Variants in GRAMD2B observed in about 807,000 individuals in gnomAD.
GRAMD2B encodes the protein GRAM domain-containing protein 2B.
Under a neutral mutation model 59.2 loss-of-function variants are expected in GRAMD2B, and 41 were observed. That is an observed-to-expected ratio of 0.69 (90% CI 0.54 to 0.90). The LOEUF is 0.90. Ranked by LOEUF, GRAMD2B falls within the 40% of genes least tolerant of loss-of-function variation. The pLI is 0.00. For missense variants in GRAMD2B, 424 were observed against 500.5 expected (o/e 0.85, Z 1.46); for synonymous variants, 161 against 182.7 (o/e 0.88, Z 0.96).
chr5:126,450,279 C>CT (rs915834393), intron 1 of GRAMD2B, among the ~76,000 whole-genome samples: 1 of 152,046 alleles, frequency 6.6e-6, no homozygotes, highest in African/African-American at 2.4e-5. Flanking sequence ...AAGTCGGCTT[C>CT]TAATGGCCCT....
At chr5:126,472,132 T>A in intron 3 of GRAMD2B, 106 bp from the exon 4 acceptor site, 1 of 800,042 alleles carries the variant, frequency 1.2e-6, no homozygotes, top group Non-Finnish European at 2.2e-6. Flanking sequence ...GAGAAGGAAT[T>A]CCTAAAGATA....
chr5:126,420,516 C>T (rs1291132895), upstream of GRAMD2B, among the ~76,000 whole-genome samples: 3 of 152,290 alleles, frequency 2.0e-5, no homozygotes, highest in East Asian at 5.8e-4. Flanking sequence ...TCACCTGCTC[C>T]TTCTCACTTA....
chr5:126,366,414 T>G (rs897822653), upstream of GRAMD2B, among the ~76,000 whole-genome samples: 2 of 152,164 alleles, frequency 1.3e-5, no homozygotes, highest in South Asian at 2.1e-4. Flanking sequence ...ATCTTTCACT[T>G]ATATCATATG....
At chr5:126,397,705 T>C (rs1477902533) in intron 1 of GRAMD2B, among the ~76,000 whole-genome samples, 1 of 152,226 alleles carries the variant, frequency 6.6e-6, no homozygotes, top group Non-Finnish European at 1.5e-5. Context: ...GAACTAACCT[T>C]GCATCCCAGG....
upstream of GRAMD2B, among the ~76,000 whole-genome samples, chr5:126,369,609 T>C (rs1017605579): frequency 2.6e-5 from 4 of 152,228 alleles, no homozygotes; most frequent in African/African-American, 9.6e-5. Flanking sequence ...TAAAACTTTT[T>C]ATATCACTCG....
chr5:126,380,843 C>G (rs1755599626), intron 1 of GRAMD2B, among the ~76,000 whole-genome samples: 1 of 152,106 alleles, frequency 6.6e-6, no homozygotes, highest in Non-Finnish European at 1.5e-5. Flanking sequence ...ATATCACGGG[C>G]AAACAGTGAC....
At chr5:126,426,259 C>T (rs184424791) in intron 1 of GRAMD2B, among the ~76,000 whole-genome samples, 1 of 152,064 alleles carries the variant, frequency 6.6e-6, no homozygotes, top group African/African-American at 2.4e-5. Flanking sequence ...AATGAATCCC[C>T]TTCTGTCTTC....
At chr5:126,375,432 G>A (rs1361001011) in intron 1 of GRAMD2B, among the ~76,000 whole-genome samples, 6 of 151,654 alleles carry the variant, frequency 4.0e-5, no homozygotes, top group Admixed American at 2.0e-4. Flanking sequence ...GCAGTGGCGC[G>A]ATCTCGGCTC....
In GRAMD2B at chr5:126,492,130, G is replaced by A. The variant is rs117419862; in HGVS notation, c.1258-785G>A. Among the ~76,000 whole-genome samples the A allele has an allele frequency of 3.7e-3, 563 of 152,342 alleles. 4 individuals are homozygous for A. The highest frequency in any genetic ancestry group is 0.029 in the East Asian group (150 of 5,190). Reference sequence around the variant, plus strand: ...CCGTCTTAAGATCCAAACATCTGACGTGGTTGGTCTCTGTCCCTGTGAAAT... The same window carrying A: ...CCGTCTTAAGATCCAAACATCTGACATGGTTGGTCTCTGTCCCTGTGAAAT... On this transcript the variant is annotated intron_variant, in intron 13 of 13. Transcript: ENST00000285689.
chr5:126,395,752 G>A (rs1757306447), intron 1 of GRAMD2B, among the ~76,000 whole-genome samples: 1 of 152,146 alleles, frequency 6.6e-6, no homozygotes, highest in Non-Finnish European at 1.5e-5. Context: ...GAACAAGAGG[G>A]AGGGAGTGTC....
At chr5:126,449,692 A>AT (rs920341353) in intron 1 of GRAMD2B, among the ~76,000 whole-genome samples, 18 of 152,186 alleles carry the variant, frequency 1.2e-4, no homozygotes, top group Admixed American at 3.9e-4. Flanking sequence ...AGTCCCATTA[A>AT]TTTTTTTTAG....
intron 1 of GRAMD2B, among the ~76,000 whole-genome samples, chr5:126,380,566 A>C (rs1437759270): frequency 6.6e-6 from 1 of 152,080 alleles, no homozygotes; most frequent in Non-Finnish European, 1.5e-5. Flanking sequence ...TGTGTTGTCT[A>C]TGATCTTTTT....
chr5:126,465,669 AG>A, intron 2 of GRAMD2B, 124 bp downstream of exon 2: 1 of 828,246 alleles, frequency 1.2e-6, no homozygotes. Flanking sequence ...AATACTCCTG[AG>A]AAAGAATGAG....
chr5:126,396,783 A>C (rs770427416), intron 1 of GRAMD2B, among the ~76,000 whole-genome samples: 1 of 152,212 alleles, frequency 6.6e-6, no homozygotes, highest in Non-Finnish European at 1.5e-5. Context: ...ACTAATTTAC[A>C]CTACCACCAA....
At chr5:126,487,445 G>T (rs573140433) in intron 12 of GRAMD2B, among the ~76,000 whole-genome samples, 2 of 152,296 alleles carry the variant, frequency 1.3e-5, no homozygotes, top group South Asian at 4.2e-4. Flanking sequence ...AATTGAATGT[G>T]TCTGTGAAGA....
chr5:126,418,495 G>A (rs1332870739), upstream of GRAMD2B, among the ~76,000 whole-genome samples: 1 of 152,152 alleles, frequency 6.6e-6, no homozygotes, highest in African/African-American at 2.4e-5. Flanking sequence ...GCTAAGCATA[G>A]TGGTTGCTTC....
At chr5:126,462,299 C>T in intron 1 of GRAMD2B, 1 of 341,088 alleles carries the variant, frequency 2.9e-6, no homozygotes, top group Non-Finnish European at 4.2e-6. Flanking sequence ...CCTGGTTCAG[C>T]TTCATTGACA....
intron 1 of GRAMD2B, among the ~76,000 whole-genome samples, chr5:126,396,936 C>G (rs1009418697): frequency 3.3e-5 from 5 of 152,070 alleles, no homozygotes; most frequent in Admixed American, 6.6e-5. Flanking sequence ...GTGATGTTGA[C>G]CTTTTTTTCA....
At chr5:126,366,826 G>T (rs1335158938), upstream of GRAMD2B, among the ~76,000 whole-genome samples, 1 of 149,670 alleles carries the variant, frequency 6.7e-6, no homozygotes, top group East Asian at 2.0e-4. Flanking sequence ...GAAATTCAAG[G>T]TGATTTTACC....
Sources: gnomAD v4.1 joint callset for allele counts (sites outside exome capture counted in the v4.1 genomes callset) on GRCh38, gnomAD v4.1.1 for gene constraint, MANE v1.5 for transcripts, NCBI Gene and HGNC (gene_info 2026-07-23, HGNC 2026-07-21) for gene names.